Variants in NAALADL2 observed in about 807,000 individuals in gnomAD.
The protein encoded by NAALADL2 is N-acetylated alpha-linked acidic dipeptidase like 2.
In NAALADL2, 76 loss-of-function variants were observed where a neutral mutation model predicts 87.2. The ratio of observed to expected loss-of-function variants is 0.87; its 90% confidence interval spans 0.72 to 1.05. NAALADL2 has a LOEUF of 1.05. Among genes scored for constraint, NAALADL2 ranks in the 50% least tolerant of loss-of-function variants. The pLI, the probability that NAALADL2 is intolerant of heterozygous loss-of-function variation, is 0.00. For missense variants in NAALADL2, 1,089 were observed against 945.8 expected, an observed-to-expected ratio of 1.15 and a Z score of -1.99; for synonymous variants, 354 against 331.0, an observed-to-expected ratio of 1.07 and a Z score of -0.75.
chr3:174,984,056 G>C (rs753335384), intron 1 of NAALADL2, among the ~76,000 whole-genome samples: 5 of 152,000 alleles, frequency 3.3e-5, no homozygotes, highest in African/African-American at 4.8e-5. Context: ...TAGATAAGAT[G>C]TCCCACAATG....
At chr3:175,084,243 C>G (rs1718435720) in intron 1 of NAALADL2, among the ~76,000 whole-genome samples, 1 of 152,132 alleles carries the variant, frequency 6.6e-6, no homozygotes, top group Non-Finnish European at 1.5e-5. Flanking sequence ...TTAATTATGT[C>G]TCATTATTTG....
chr3:175,438,241 A>C (rs1037066984), intron 5 of NAALADL2, among the ~76,000 whole-genome samples: 12 of 152,232 alleles, frequency 7.9e-5, no homozygotes, highest in African/African-American at 2.2e-4. Flanking sequence ...GACGTTGACT[A>C]GGCTTGATAG....
chr3:174,970,159 A>T (rs1743431386), intron 1 of NAALADL2, among the ~76,000 whole-genome samples: 1 of 152,238 alleles, frequency 6.6e-6, no homozygotes, highest in South Asian at 2.1e-4. Flanking sequence ...ACTTAGAACC[A>T]GGTAGATAAA....
chr3:174,788,121 T>C (rs1717027621), intron 3 of NAALADL2, among the ~76,000 whole-genome samples: 1 of 152,160 alleles, frequency 6.6e-6, no homozygotes, highest in Non-Finnish European at 1.5e-5. Flanking sequence ...GTTACTTGAA[T>C]ATGAATTCAA....
chr3:174,465,229 T>C (rs1472961695), intron 1 of NAALADL2, among the ~76,000 whole-genome samples: 2 of 152,222 alleles, frequency 1.3e-5, no homozygotes, highest in Middle Eastern at 3.4e-3. Context: ...AATTGAGTAA[T>C]TGGTATTGAA....
intron 12 of NAALADL2, among the ~76,000 whole-genome samples, chr3:175,743,992 A>C (rs1048859609): frequency 6.6e-6 from 1 of 152,182 alleles, no homozygotes; most frequent in East Asian, 1.9e-4. Flanking sequence ...ATCTAGAAGC[A>C]CCTCACATTA....
intron 2 of NAALADL2, among the ~76,000 whole-genome samples, chr3:174,701,094 G>C (rs9866752): frequency 0.13 from 19,714 of 151,782 alleles, 1,419 homozygotes; most frequent in African/African-American, 0.17. Context: ...GGACCTAAGA[G>C]AGTTTCAACA....
At chr3:174,993,301 G>T (rs920047611) in intron 1 of NAALADL2, among the ~76,000 whole-genome samples, 1 of 152,042 alleles carries the variant, frequency 6.6e-6, no homozygotes, top group African/African-American at 2.4e-5. Flanking sequence ...AACATAGAAA[G>T]ATAACATTCA....
intron 3 of NAALADL2, among the ~76,000 whole-genome samples, chr3:174,740,375 T>C (rs1416730330): frequency 6.6e-6 from 1 of 151,972 alleles, no homozygotes; most frequent in Non-Finnish European, 1.5e-5. Flanking sequence ...TTTCATGCTA[T>C]GAAAAATCTT....
At chr3:174,645,224 A>G (rs1723657782) in intron 2 of NAALADL2, among the ~76,000 whole-genome samples, 2 of 152,216 alleles carry the variant, frequency 1.3e-5, no homozygotes, top group Admixed American at 1.3e-4. Flanking sequence ...GCATAAATAG[A>G]GAGTGAAACA....
chr3:175,685,486 G>A (rs1736150416), intron 11 of NAALADL2, among the ~76,000 whole-genome samples: 1 of 141,360 alleles, frequency 7.1e-6, no homozygotes, highest in Non-Finnish European at 1.5e-5. Flanking sequence ...GTGTGTGTGT[G>A]TGTAATCAGT....
At chr3:175,258,336 A>G (rs562552587) in intron 4 of NAALADL2, among the ~76,000 whole-genome samples, 8 of 151,380 alleles carry the variant, frequency 5.3e-5, no homozygotes, top group African/African-American at 7.3e-5. Context: ...AAAAAAAAAA[A>G]AAAAAAAGAA....
chr3:175,749,661 T>C (rs951801216), intron 12 of NAALADL2, among the ~76,000 whole-genome samples: 1 of 152,202 alleles, frequency 6.6e-6, no homozygotes. Flanking sequence ...CACCTTCCAA[T>C]GCCATTACAC....
intron 4 of NAALADL2, among the ~76,000 whole-genome samples, chr3:175,279,487 T>A (rs980101021): frequency 2.0e-5 from 3 of 147,542 alleles, no homozygotes; most frequent in South Asian, 2.1e-4. Context: ...AAACATGAGG[T>A]TTTTTTTTTA....
At chr3:175,058,390 G>C (rs915474784) in intron 1 of NAALADL2, among the ~76,000 whole-genome samples, 1 of 151,944 alleles carries the variant, frequency 6.6e-6, no homozygotes, top group Non-Finnish European at 1.5e-5. Flanking sequence ...CCCTGGGCTC[G>C]GTGCTATTAA....
intron 11 of NAALADL2, among the ~76,000 whole-genome samples, chr3:175,726,912 TTCTTCTTCAATGCCC>T (rs1400577735): frequency 5.3e-5 from 8 of 151,982 alleles, no homozygotes; most frequent in South Asian, 4.1e-4. Flanking sequence ...ATGAGTTGCC[TTCTTCTTCAATGCCC>T]TCTTCTTCAA....
At chr3:174,727,770 T>C (rs2108972090) in intron 2 of NAALADL2, among the ~76,000 whole-genome samples, 1 of 152,234 alleles carries the variant, frequency 6.6e-6, no homozygotes, top group East Asian at 1.9e-4. Context: ...ACACTTTGTG[T>C]TGTATATTTG....
chr3:174,658,777 G>T (rs183286290), intron 2 of NAALADL2, among the ~76,000 whole-genome samples: 106 of 152,230 alleles, frequency 7.0e-4, no homozygotes, highest in African/African-American at 2.4e-3. Context: ...TTTTATAATG[G>T]TTTGATATTC....
chr3:174,935,312 A>G (rs1737533557), intron 1 of NAALADL2, among the ~76,000 whole-genome samples: 1 of 152,216 alleles, frequency 6.6e-6, no homozygotes, highest in African/African-American at 2.4e-5. Context: ...TGGCAGATGC[A>G]TGAAATTTTC....
Sources: allele counts gnomAD v4.1 joint callset (sites outside exome capture counted in the v4.1 genomes callset), GRCh38; gene constraint gnomAD v4.1.1; transcripts MANE v1.5; gene names NCBI Gene and HGNC (gene_info 2026-07-23, HGNC 2026-07-21).